Variants in TXNDC16 observed in about 807,000 individuals in gnomAD.
The protein encoded by TXNDC16 is thioredoxin domain-containing protein 16.
TXNDC16 carries 74 observed loss-of-function variants against 85.6 expected under a neutral mutation model. The ratio of observed to expected loss-of-function variants is 0.86; its 90% CI spans 0.72 to 1.05. The LOEUF is 1.05. Among genes scored for constraint, TXNDC16 ranks in the 50% least tolerant of loss-of-function variants. TXNDC16 has a pLI of 0.00. For synonymous variants in TXNDC16, 335 were observed against 326.5 expected (o/e 1.03, Z -0.28); for missense variants, 959 against 947.0 (o/e 1.01, Z -0.17).
intron 7 of TXNDC16, among the ~76,000 whole-genome samples, chr14:52,516,461 A>G (rs983999935): frequency 6.6e-6 from 1 of 152,120 alleles, no homozygotes; most frequent in Non-Finnish European, 1.5e-5. Flanking sequence ...GTTCGATGCT[A>G]TTCTCATTCT....
At chr14:52,460,250 A>G (rs2035622100) in intron 16 of TXNDC16, among the ~76,000 whole-genome samples, 1 of 152,116 alleles carries the variant, frequency 6.6e-6, no homozygotes, top group Admixed American at 6.6e-5. Flanking sequence ...GGAGAATTAT[A>G]AAACACTGTT....
chr14:52,504,229 C>G (rs188202887), intron 9 of TXNDC16, among the ~76,000 whole-genome samples: 7,453 of 152,116 alleles, frequency 0.049, 229 homozygotes, highest in Middle Eastern at 0.072. Context: ...ACACCACAAA[C>G]ATACTCCTCG....
At chr14:52,442,201 T>C (rs1378466666) in intron 18 of TXNDC16, among the ~76,000 whole-genome samples, 1 of 152,102 alleles carries the variant, frequency 6.6e-6, no homozygotes, top group Admixed American at 6.5e-5. Flanking sequence ...AGCAATGACA[T>C]AGAATAATAA....
In TXNDC16 at chr14:52,515,805, A is replaced by G. The variant is rs1318673010; in HGVS notation, c.515-835T>C. ...ACAAATCATCTCTTTCCTGAAACTC[A>G]GCTCCACAAATGTAAACATATCCCA... On this transcript the variant is annotated intron_variant, in intron 7 of 20. Coordinates refer to ENST00000281741, the MANE Select transcript of TXNDC16 (RefSeq NM_020784.3). 7.2e-5 allele frequency among the ~76,000 whole-genome samples: 11 copies of G among 151,906 alleles called. No individual in the cohort carries two copies. The East Asian group carries it at 1.6e-3, about 21-fold the overall frequency.
Position 52,500,194 on chromosome 14 carries a change from G to A in TXNDC16, c.757-9189C>T, listed in dbSNP as rs547560674. On this transcript the variant is annotated intron_variant, in intron 9 of 20. Coordinates refer to ENST00000281741, the MANE Select transcript of TXNDC16 (RefSeq NM_020784.3). ...GCATTACTCACCATAGCCAAGAGGT[G>A]GAAGCAACCTAAACGTCTATCAATG... Among the ~76,000 whole-genome samples, 4 of 152,216 alleles carry A rather than the reference G, an allele frequency of 2.6e-5. No homozygotes were observed. In the South Asian group the frequency reaches 8.3e-4, roughly 32 times the overall value.
chr14:52,481,413 G>A (rs2036148322), intron 14 of TXNDC16, among the ~76,000 whole-genome samples: 1 of 152,048 alleles, frequency 6.6e-6, no homozygotes, highest in Admixed American at 6.6e-5. Context: ...AATTTCTTGA[G>A]TTTTCAAAAG....
chr14:52,459,587 T>A (rs2035608781), intron 16 of TXNDC16, among the ~76,000 whole-genome samples: 1 of 152,160 alleles, frequency 6.6e-6, no homozygotes, highest in South Asian at 2.1e-4. Flanking sequence ...GCCAGCATCA[T>A]CCTGATACCA....
At chr14:52,483,064 CA>C in intron 12 of TXNDC16, 99 bp from the exon 13 acceptor site, 6 of 1,035,478 alleles carry the variant, frequency 5.8e-6, no homozygotes, top group Non-Finnish European at 7.9e-6. Flanking sequence ...GTACTTTATA[CA>C]AACTTTTGAA....
chr14:52,438,760 T>C (rs979292177), intron 20 of TXNDC16, among the ~76,000 whole-genome samples: 2 of 152,206 alleles, frequency 1.3e-5, no homozygotes, highest in African/African-American at 2.4e-5. Context: ...TCATTTTCTA[T>C]AAAACCACAT....
chr14:52,517,543 A>G (rs1194526604), intron 7 of TXNDC16, among the ~76,000 whole-genome samples: 1 of 151,978 alleles, frequency 6.6e-6, no homozygotes. Context: ...AACTCTTAGC[A>G]CCATATCTAC....
At chr14:52,551,588 G>A (rs77335852) in intron 1 of TXNDC16, among the ~76,000 whole-genome samples, 2,899 of 151,724 alleles carry the variant, frequency 0.019, 86 homozygotes, top group African/African-American at 0.067. Context: ...TTCGTAATGT[G>A]CTGTGTATTC....
chr14:52,514,441 G>C (rs1015503289), intron 8 of TXNDC16, among the ~76,000 whole-genome samples: 3 of 152,086 alleles, frequency 2.0e-5, no homozygotes, highest in African/African-American at 7.2e-5. Context: ...TTGTAAACTA[G>C]ACAAGAAAAA....
chr14:52,518,000 G>A (rs966025312), intron 7 of TXNDC16, among the ~76,000 whole-genome samples: 1 of 152,074 alleles, frequency 6.6e-6, no homozygotes, highest in Non-Finnish European at 1.5e-5. Flanking sequence ...TAGGCATAAT[G>A]GCCACTTGGC....
At chr14:52,530,904 C>A (rs539201225) in intron 6 of TXNDC16, among the ~76,000 whole-genome samples, 1 of 151,356 alleles carries the variant, frequency 6.6e-6, no homozygotes, top group African/African-American at 2.4e-5. Context: ...AAAAGACAAG[C>A]AACAAACTGG....
chr14:52,431,064 GTC>G lies in TXNDC16; in HGVS notation c.*1238_*1239del, dbSNP rs1345979304. 6.6e-6 allele frequency: 1 copy of G among 152,172 alleles called. No individual in the cohort carries two copies. Among genetic ancestry groups the G allele is most frequent in the Non-Finnish European group, 1.5e-5 (1 of 68,016 alleles). The allele number at this position is 152,172 out of a possible 1,614,324, so 9.4% of individuals were successfully genotyped here. A position where few individuals can be genotyped will look rare whatever the true frequency, so the allele number is the denominator to read the frequency against. On this transcript the variant is annotated 3_prime_UTR_variant, in exon 21 of 21. Transcript: ENST00000281741. ...ACCAAATAGAATATTCTCAACAAAT[GTC>G]TCAAAAAATGCACAGAGCAAAAATG...
chr14:52,432,838 A>G (rs569768055), intron 20 of TXNDC16, among the ~76,000 whole-genome samples: 1 of 152,194 alleles, frequency 6.6e-6, no homozygotes, highest in Non-Finnish European at 1.5e-5. Flanking sequence ...AAAAGTATGA[A>G]TAGGGGAAAA....
At chr14:52,502,561 T>G (rs181097521) in intron 9 of TXNDC16, among the ~76,000 whole-genome samples, 2 of 152,226 alleles carry the variant, frequency 1.3e-5, no homozygotes, top group Admixed American at 1.3e-4. Context: ...AAAGCTTTGG[T>G]TTTTTAATTT....
At chr14:52,523,705 T>A (rs942553734) in intron 6 of TXNDC16, among the ~76,000 whole-genome samples, 11 of 152,198 alleles carry the variant, frequency 7.2e-5, no homozygotes, top group African/African-American at 2.7e-4. Flanking sequence ...ACAAATATCA[T>A]TCTTAGTCTT....
At chr14:52,463,722 A>T (rs1406035323) in intron 16 of TXNDC16, among the ~76,000 whole-genome samples, 1 of 152,232 alleles carries the variant, frequency 6.6e-6, no homozygotes. Flanking sequence ...CTTATAGAGA[A>T]ACCTTTAGTC....
Sources: allele counts gnomAD v4.1 joint callset (sites outside exome capture counted in the v4.1 genomes callset), GRCh38; gene constraint gnomAD v4.1.1; transcripts MANE v1.5; gene names NCBI Gene and HGNC (gene_info 2026-07-23, HGNC 2026-07-21).